CRLF3: variants seen among roughly 807,000 people sequenced by gnomAD.
The protein encoded by CRLF3 is cytokine receptor like factor 3.
Under a neutral mutation model 55.0 loss-of-function variants are expected in CRLF3, and 33 were observed. The observed-to-expected ratio is 0.60, with a 90% CI of 0.46 to 0.80. CRLF3 has a LOEUF of 0.80. Ranked by LOEUF, CRLF3 falls within the 30% of genes least tolerant of loss-of-function variation. The pLI is 0.00. For missense variants in CRLF3, 494 were observed against 538.4 expected, an observed-to-expected ratio of 0.92 and a Z score of 0.82; for synonymous variants, 238 against 196.8, an observed-to-expected ratio of 1.21 and a Z score of -1.75.
At chr17:30,805,886 G>C (rs1904384807) in intron 1 of CRLF3, among the ~76,000 whole-genome samples, 1 of 152,052 alleles carries the variant, frequency 6.6e-6, no homozygotes, top group African/African-American at 2.4e-5. Context: ...AGCCGGGCAT[G>C]GTGGCACATG....
At chr17:30,797,836 A>G (rs553080410) in intron 2 of CRLF3, among the ~76,000 whole-genome samples, 1 of 145,130 alleles carries the variant, frequency 6.9e-6, no homozygotes. Context: ...GCACAGTGGT[A>G]GGATCATAAC....
At chr17:30,819,366 C>T (rs1175822977) in intron 1 of CRLF3, among the ~76,000 whole-genome samples, 2 of 152,180 alleles carry the variant, frequency 1.3e-5, no homozygotes, top group African/African-American at 4.8e-5. Flanking sequence ...TTTGGACTTA[C>T]AAAGATTAAA....
At chr17:30,788,192 G>C (rs1971694048) in intron 6 of CRLF3, among the ~76,000 whole-genome samples, 1 of 151,622 alleles carries the variant, frequency 6.6e-6, no homozygotes. Context: ...GCCGGGCGTG[G>C]TAGCAGGCGC....
chr17:30,823,299 T>C (rs571047733), intron 1 of CRLF3, among the ~76,000 whole-genome samples: 29 of 151,684 alleles, frequency 1.9e-4, no homozygotes, highest in South Asian at 4.2e-4. Flanking sequence ...GAGGCGGAGG[T>C]TGTTGCAGTG....
chr17:30,824,404 T>G (rs1905080694), intron 1 of CRLF3, 119 bp downstream of exon 1: 1 of 925,300 alleles, frequency 1.1e-6, no homozygotes, highest in African/African-American at 1.8e-5. Flanking sequence ...TTCAAATGAA[T>G]GCCTCTTCCC....
intron 1 of CRLF3, among the ~76,000 whole-genome samples, chr17:30,818,769 T>C (rs994517240): frequency 4.0e-5 from 6 of 149,868 alleles, no homozygotes; most frequent in African/African-American, 1.5e-4. Context: ...CTTTCTTTTC[T>C]TTGCTAAGCT....
chr17:30,804,566 T>C (rs1191644611), intron 1 of CRLF3, among the ~76,000 whole-genome samples: 1 of 152,230 alleles, frequency 6.6e-6, no homozygotes, highest in Non-Finnish European at 1.5e-5. Context: ...ATTCTACATA[T>C]GAGATCGTGC....
At chr17:30,790,123 T>A (rs1218889306) in intron 6 of CRLF3, among the ~76,000 whole-genome samples, 1 of 152,114 alleles carries the variant, frequency 6.6e-6, no homozygotes, top group Non-Finnish European at 1.5e-5. Flanking sequence ...ACAATTCAAA[T>A]TACTTAGCTG....
chr17:30,806,128 CAA>C (rs1904395747), intron 1 of CRLF3, among the ~76,000 whole-genome samples: 1 of 151,986 alleles, frequency 6.6e-6, no homozygotes, highest in South Asian at 2.1e-4. Flanking sequence ...ATTTAAAAAC[CAA>C]AGAGGCCTGT....
At chr17:30,786,347 C>T (rs76633166) in intron 6 of CRLF3, 22,830 of 187,902 alleles carry the variant, frequency 0.12, 1,484 homozygotes, top group South Asian at 0.2. Context: ...TCAAGCAGTT[C>T]TCTGCTTCAG....
rs555033242 is a variant in CRLF3, at chr17:30,786,188, T to A, written c.960-157A>T. 1.5e-3 allele frequency: 814 copies of A among 540,910 alleles called. 2 individuals are homozygous for A. The highest frequency in any genetic ancestry group is 1.9e-3 in the Non-Finnish European group (586 of 307,028). The allele number at this position is 540,910 out of a possible 1,614,324, so 33.5% of individuals were successfully genotyped here. ...AGTTCTTGCTATACTCCAGGCACTG[T>A]TCTAATTATTTTATATCTATCTATC... On this transcript the variant is annotated intron_variant, in intron 6 of 7. Coordinates refer to ENST00000324238, the MANE Select transcript of CRLF3 (RefSeq NM_015986.4).
At chr17:30,811,935 C>A (rs1904641771) in intron 1 of CRLF3, among the ~76,000 whole-genome samples, 1 of 150,652 alleles carries the variant, frequency 6.6e-6, no homozygotes, top group Non-Finnish European at 1.5e-5. Context: ...ATGGTGAAAC[C>A]CCGTCTCTAC....
At chr17:30,823,920 C>A (rs546318787) in intron 1 of CRLF3, among the ~76,000 whole-genome samples, 79 of 152,114 alleles carry the variant, frequency 5.2e-4, no homozygotes, top group Non-Finnish European at 9.7e-4. Context: ...AAATTTTAAA[C>A]CTTCTAGAAC....
chr17:30,790,898 G>A (rs1458959493), intron 6 of CRLF3: 1 of 151,730 alleles, frequency 6.6e-6, no homozygotes, highest in Non-Finnish European at 1.5e-5. Context: ...TAATATGCAT[G>A]AGCCACAGTG....
chr17:30,809,233 T>A (rs543199713), intron 1 of CRLF3, among the ~76,000 whole-genome samples: 1 of 152,328 alleles, frequency 6.6e-6, no homozygotes, highest in Non-Finnish European at 1.5e-5. Context: ...GAGACTCAAT[T>A]TCCAAATTCA....
chr17:30,787,648 A>G (rs2043820488), intron 6 of CRLF3: 1 of 152,178 alleles, frequency 6.6e-6, no homozygotes, highest in African/African-American at 2.4e-5. Context: ...AACATGCAGG[A>G]TCATAATATT....
chr17:30,803,502 A>G (rs1972037759), intron 2 of CRLF3, among the ~76,000 whole-genome samples: 1 of 152,112 alleles, frequency 6.6e-6, no homozygotes, highest in African/African-American at 2.4e-5. Context: ...AACGAACCAC[A>G]TTTAACCTGT....
intron 1 of CRLF3, among the ~76,000 whole-genome samples, chr17:30,815,911 A>G (rs945579229): frequency 6.6e-6 from 1 of 151,512 alleles, no homozygotes; most frequent in African/African-American, 2.4e-5. Context: ...CTCAACCAGC[A>G]GCTTTCAGAG....
At chr17:30,809,111 A>G (rs554116465) in intron 1 of CRLF3, among the ~76,000 whole-genome samples, 16 of 152,322 alleles carry the variant, frequency 1.1e-4, no homozygotes, top group Non-Finnish European at 2.2e-4. Context: ...TCCTCTTCAG[A>G]AAGAATTCAA....
Sources: allele counts gnomAD v4.1 joint callset (sites outside exome capture counted in the v4.1 genomes callset), GRCh38; gene constraint gnomAD v4.1.1; transcripts MANE v1.5; gene names NCBI Gene and HGNC (gene_info 2026-07-23, HGNC 2026-07-21).